The following ATRNL1 variants were observed in gnomAD, a reference collection of about 807,000 sequenced individuals.
The protein encoded by ATRNL1 is attractin-like protein 1.
In ATRNL1, 95 loss-of-function variants were observed where a neutral mutation model predicts 182.7. That is an observed-to-expected ratio of 0.52 (90% CI 0.44 to 0.62). ATRNL1 has a LOEUF of 0.62. ATRNL1 is among the 20% of genes least tolerant of loss of function. The probability of loss-of-function intolerance (pLI) is 0.00; values close to 1 mark genes in which losing one functional copy is unlikely to be tolerated. For synonymous variants in ATRNL1, 576 were observed against 568.3 expected (o/e 1.01, Z -0.19); for missense variants, 1,471 against 1,679.5 (o/e 0.88, Z 2.17).
chr10:115,116,874 C>G (rs1448608877), intron 1 of ATRNL1, among the ~76,000 whole-genome samples: 1 of 151,920 alleles, frequency 6.6e-6, no homozygotes, highest in Non-Finnish European at 1.5e-5. Context: ...GAGTAGTTTC[C>G]TTTTAAGTTT....
chr10:115,565,491 T>C (rs576225033), intron 26 of ATRNL1, among the ~76,000 whole-genome samples: 1 of 152,266 alleles, frequency 6.6e-6, no homozygotes, highest in South Asian at 2.1e-4. Context: ...TATACATTTG[T>C]ACCATGTTAT....
intron 28 of ATRNL1, among the ~76,000 whole-genome samples, chr10:115,908,530 C>G (rs1555115103): frequency 6.6e-6 from 1 of 152,112 alleles, no homozygotes; most frequent in African/African-American, 2.4e-5. Flanking sequence ...TTGGTCCCAC[C>G]CAGGTTGTCC....
At chr10:115,538,088 TTATC>T (rs1852144254) in intron 25 of ATRNL1, among the ~76,000 whole-genome samples, 1 of 152,240 alleles carries the variant, frequency 6.6e-6, no homozygotes, top group Admixed American at 6.5e-5. Flanking sequence ...CACACTTTGT[TTATC>T]CATTCACCCA....
chr10:115,263,427 A>G (rs1554909355), intron 10 of ATRNL1, among the ~76,000 whole-genome samples: 1 of 151,814 alleles, frequency 6.6e-6, no homozygotes, highest in Admixed American at 6.6e-5. Flanking sequence ...TCCAGCTACT[A>G]TGGAAAACAG....
intron 26 of ATRNL1, among the ~76,000 whole-genome samples, chr10:115,695,355 A>C (rs1946525221): frequency 6.6e-6 from 1 of 152,184 alleles, no homozygotes; most frequent in South Asian, 2.1e-4. Context: ...GATTATTTTT[A>C]TAGGAGTTTT....
At chr10:115,488,462 G>A (rs541565491) in intron 24 of ATRNL1, among the ~76,000 whole-genome samples, 2 of 152,284 alleles carry the variant, frequency 1.3e-5, no homozygotes, top group East Asian at 3.9e-4. Context: ...GTGTGTATGT[G>A]TCCAGGAATT....
chr10:115,096,682 T>C (rs1406099099), intron 1 of ATRNL1: 6 of 1,288,924 alleles, frequency 4.7e-6, no homozygotes, highest in Non-Finnish European at 6.1e-6. Flanking sequence ...TTCAAATGTT[T>C]CTTGAGGATA....
At chr10:115,645,280 T>G (rs1555031841) in intron 26 of ATRNL1, among the ~76,000 whole-genome samples, 5 of 151,244 alleles carry the variant, frequency 3.3e-5, no homozygotes, top group African/African-American at 1.2e-4. Context: ...CATAACTCAT[T>G]TTTTTTAAAA....
At chr10:115,665,731 TCATCCAGG>T (rs1466127715) in intron 26 of ATRNL1, among the ~76,000 whole-genome samples, 29 of 152,166 alleles carry the variant, frequency 1.9e-4, no homozygotes, top group Non-Finnish European at 3.5e-4. Flanking sequence ...CCACTGTTGC[TCATCCAGG>T]GCAACCTGTG....
At chr10:115,338,058 G>A (rs184627396) in intron 19 of ATRNL1, among the ~76,000 whole-genome samples, 21 of 152,230 alleles carry the variant, frequency 1.4e-4, no homozygotes, top group East Asian at 5.8e-4. Context: ...TTTTTCACCC[G>A]CTGATCACCT....
chr10:115,236,170 G>A (rs1223880711), intron 9 of ATRNL1, among the ~76,000 whole-genome samples: 2 of 151,998 alleles, frequency 1.3e-5, no homozygotes, highest in South Asian at 2.1e-4. Flanking sequence ...CCTAGTGCTC[G>A]AATAAATCAT....
At chr10:115,232,496 G>T (rs1849998166) in intron 9 of ATRNL1, among the ~76,000 whole-genome samples, 1 of 152,030 alleles carries the variant, frequency 6.6e-6, no homozygotes, top group African/African-American at 2.4e-5. Flanking sequence ...TTATCTCTCA[G>T]ATTGTGGATC....
chr10:115,351,939 C>G (rs1282234854), intron 19 of ATRNL1, among the ~76,000 whole-genome samples: 15 of 152,064 alleles, frequency 9.9e-5, no homozygotes, highest in Non-Finnish European at 2.9e-5. Context: ...GTGAAACTAT[C>G]TGATATTGGG....
intron 27 of ATRNL1, among the ~76,000 whole-genome samples, chr10:115,775,959 CAAA>C (rs398014865): frequency 7.1e-5 from 8 of 113,236 alleles, no homozygotes; most frequent in Non-Finnish European, 7.3e-5. Context: ...ACTCCATTCT[CAAA>C]AAAAAAAAAA....
intron 5 of ATRNL1, among the ~76,000 whole-genome samples, chr10:115,142,485 T>C (rs1845792429): frequency 6.6e-6 from 1 of 152,132 alleles, no homozygotes; most frequent in African/African-American, 2.4e-5. Context: ...AAGGGGTTGC[T>C]GGAGGGGATG....
chr10:115,156,207 C>T (rs1236540694), intron 5 of ATRNL1, among the ~76,000 whole-genome samples: 2 of 152,112 alleles, frequency 1.3e-5, no homozygotes, highest in East Asian at 3.9e-4. Flanking sequence ...TGTGGAAAGA[C>T]TGTAATCCCT....
chr10:115,787,868 G>A (rs1555080732), intron 27 of ATRNL1, among the ~76,000 whole-genome samples: 1 of 152,146 alleles, frequency 6.6e-6, no homozygotes, highest in Admixed American at 6.5e-5. Flanking sequence ...TCCTTATGAG[G>A]AAGAGATAGG....
chr10:115,536,434 C>T (rs1405585617), intron 25 of ATRNL1, among the ~76,000 whole-genome samples: 1 of 152,206 alleles, frequency 6.6e-6, no homozygotes, highest in African/African-American at 2.4e-5. Context: ...GATATAATCT[C>T]CTGGTGCGCC....
intron 1 of ATRNL1, among the ~76,000 whole-genome samples, chr10:115,117,209 A>G (rs1844526723): frequency 6.6e-6 from 1 of 152,156 alleles, no homozygotes; most frequent in Admixed American, 6.6e-5. Context: ...AAACAATCCA[A>G]TTATACTCTC....
Sources: gnomAD v4.1 joint callset for allele counts (sites outside exome capture counted in the v4.1 genomes callset) on GRCh38, gnomAD v4.1.1 for gene constraint, MANE v1.5 for transcripts, NCBI Gene and HGNC (gene_info 2026-07-23, HGNC 2026-07-21) for gene names.